ZNF827: variants seen among roughly 807,000 people sequenced by gnomAD.
ZNF827 encodes the protein zinc finger protein 827.
ZNF827 carries 13 observed loss-of-function variants against 102.4 expected under a neutral mutation model. That is an observed-to-expected ratio of 0.13 (90% CI 0.08 to 0.20). The LOEUF (loss-of-function observed/expected upper bound fraction) is 0.20, where lower values mean the gene tolerates loss of function less well. ZNF827 is among the 10% of genes least tolerant of loss of function. ZNF827 has a pLI of 1.00. For missense variants in ZNF827, 1,103 were observed against 1,344.4 expected (o/e 0.82, Z 2.81); for synonymous variants, 523 against 536.2 (o/e 0.98, Z 0.34).
chr4:145,800,636 A>C (rs1019778880), intron 8 of ZNF827, among the ~76,000 whole-genome samples: 1 of 152,068 alleles, frequency 6.6e-6, no homozygotes, highest in Non-Finnish European at 1.5e-5. Flanking sequence ...CTGCCAACAC[A>C]ATTTGGTGTT....
Position 145,796,198 on chromosome 4 carries a change from C to G in ZNF827, c.2384-16687G>C, listed in dbSNP as rs576996561. ...GGGAAGAAACTTTTACTTTATTTCC[C>G]CATTTCGATTATCAGCTTGAAAGGA... On this transcript the variant is annotated intron_variant, in intron 8 of 14. Coordinates refer to ENST00000508784, the MANE Select transcript of ZNF827 (RefSeq NM_001306215.2). 2.9e-4 allele frequency among the ~76,000 whole-genome samples: 44 copies of G among 152,256 alleles called. 2 individuals are homozygous for G. The highest frequency in any genetic ancestry group is 1.5e-3 in the Admixed American group (23 of 15,284).
chr4:145,881,147 A>G (rs1056275873), intron 4 of ZNF827, among the ~76,000 whole-genome samples: 2 of 152,274 alleles, frequency 1.3e-5, no homozygotes, highest in African/African-American at 2.4e-5. Context: ...AAACTACAGT[A>G]TATGACACAA....
chr4:145,832,642 C>G (rs533176938), intron 7 of ZNF827: 2 of 152,338 alleles, frequency 1.3e-5, no homozygotes, highest in South Asian at 4.1e-4. Flanking sequence ...GCCAAGCCAT[C>G]GCATCCCCTG....
intron 7 of ZNF827, chr4:145,833,028 G>A (rs1029066525): frequency 2.3e-4 from 40 of 171,536 alleles, no homozygotes; most frequent in African/African-American, 9.4e-4. Context: ...GCCGTGACTC[G>A]GATCGGGGGA....
intron 8 of ZNF827, among the ~76,000 whole-genome samples, chr4:145,795,524 C>A (rs1183983704): frequency 2.6e-5 from 4 of 152,194 alleles, no homozygotes; most frequent in African/African-American, 9.6e-5. Flanking sequence ...ACTACATCTG[C>A]AATAATTATG....
chr4:145,854,981 G>A (rs1285824990), intron 5 of ZNF827, among the ~76,000 whole-genome samples: 11 of 152,224 alleles, frequency 7.2e-5, no homozygotes, highest in Non-Finnish European at 1.5e-5. Flanking sequence ...AGAGAGCACA[G>A]GGCATGGCGC....
In ZNF827 at chr4:145,845,947, G is replaced by A. The variant is rs1251603017; in HGVS notation, c.2279+9C>T. 6.2e-7 allele frequency: 1 copy of A among 1,614,182 alleles called. No homozygotes were observed. On this transcript the variant is annotated intron_variant, in intron 7 of 14. Coordinates refer to ENST00000508784, the MANE Select transcript of ZNF827 (RefSeq NM_001306215.2). Reference sequence around the variant, plus strand: ...GGTGTTCTGGAGGAACCCACACAAAGTCGCCTACCTGGTCGTGGTCCGGAT... The same window carrying A: ...GGTGTTCTGGAGGAACCCACACAAAATCGCCTACCTGGTCGTGGTCCGGAT...
chr4:145,895,411 G>A (rs563728070), intron 2 of ZNF827, among the ~76,000 whole-genome samples: 1 of 152,174 alleles, frequency 6.6e-6, no homozygotes, highest in East Asian at 1.9e-4. Context: ...TGCTTCCTTA[G>A]TTTTAATTAG....
chr4:145,920,648 G>A (rs1435238062), intron 1 of ZNF827, among the ~76,000 whole-genome samples: 2 of 152,212 alleles, frequency 1.3e-5, no homozygotes, highest in East Asian at 3.8e-4. Context: ...GCAGGAGATG[G>A]TCTCTAAAGT....
At chr4:145,775,704 G>T in intron 10 of ZNF827, 85 bp downstream of exon 10, 1 of 1,506,764 alleles carries the variant, frequency 6.6e-7, no homozygotes, top group Non-Finnish European at 9.1e-7. Flanking sequence ...GGGGCCTCGT[G>T]ATGTATGCCC....
intron 8 of ZNF827, among the ~76,000 whole-genome samples, chr4:145,784,074 C>G (rs1738500498): frequency 6.6e-6 from 1 of 152,186 alleles, no homozygotes; most frequent in African/African-American, 2.4e-5. Flanking sequence ...CATGTGCCTG[C>G]TTCCCCTTCA....
At chr4:145,878,559 AGACAG>A (rs1215402706) in intron 4 of ZNF827, among the ~76,000 whole-genome samples, 3,445 of 123,340 alleles carry the variant, frequency 0.028, 223 homozygotes, top group South Asian at 0.071. Context: ...AAAAAAGACA[AGACAG>A]GACAGGACAG....
intron 8 of ZNF827, among the ~76,000 whole-genome samples, chr4:145,800,557 G>A (rs867172024): frequency 3.0e-4 from 46 of 152,260 alleles, no homozygotes; most frequent in Middle Eastern, 3.4e-3. Flanking sequence ...TTACAGGTGT[G>A]AGCCACTGCA....
At chr4:145,817,729 G>A (rs527434192) in intron 8 of ZNF827, among the ~76,000 whole-genome samples, 1 of 152,338 alleles carries the variant, frequency 6.6e-6, no homozygotes, top group Admixed American at 6.5e-5. Flanking sequence ...TACAGGGGAT[G>A]TGCAAGGAGC....
intron 8 of ZNF827, among the ~76,000 whole-genome samples, chr4:145,788,207 T>C (rs1185410657): frequency 6.6e-6 from 1 of 152,216 alleles, no homozygotes; most frequent in Non-Finnish European, 1.5e-5. Flanking sequence ...AAATACTTAC[T>C]GATTGATTTG....
At chr4:145,882,744 T>C (rs1352166309) in intron 4 of ZNF827, among the ~76,000 whole-genome samples, 1 of 152,174 alleles carries the variant, frequency 6.6e-6, no homozygotes. Flanking sequence ...CAGACAGTGA[T>C]CTGGCTGGCA....
intron 4 of ZNF827, 97 bp from the exon 5 acceptor site, chr4:145,870,575 T>G (rs1249338630): frequency 9.1e-7 from 1 of 1,097,408 alleles, no homozygotes; most frequent in African/African-American, 1.6e-5. Context: ...ACAATCACAC[T>G]GTGCTAACAA....
chr4:145,763,829 C>A lies in ZNF827; in HGVS notation c.3231-707G>T, dbSNP rs531334497. On this transcript the variant is annotated intron_variant, in intron 13 of 14. Coordinates refer to ENST00000508784, the MANE Select transcript of ZNF827 (RefSeq NM_001306215.2). This position sits in a 1 kb window ranked among gnomAD's most constrained non-coding sequence, Gnocchi z 4.6. ...TACTGGTTTCCTTGAATTATAATCA[C>A]CCCCTCCCCAATCCCTTCTGCCCTC... Among the ~76,000 whole-genome samples, 7 of 152,192 alleles carry A rather than the reference C, an allele frequency of 4.6e-5. No homozygotes were observed. Among genetic ancestry groups the A allele is most frequent in the Admixed American group, 2.6e-4 (4 of 15,284 alleles).
rs1486270006 is a variant in ZNF827, at chr4:145,823,531, G to A, written c.2280-6C>T. On this transcript the variant is annotated splice_polypyrimidine_tract_variant and splice_region_variant and intron_variant, in intron 7 of 14. Transcript: ENST00000508784. ...TGTCTTCTGAAAAGAAAGGGCTGGGGTGGGGGAGGGGGAGTGAAGTTTAGT... is the reference window on the plus strand; with the variant it reads ...TGTCTTCTGAAAAGAAAGGGCTGGGATGGGGGAGGGGGAGTGAAGTTTAGT... 2.5e-6 allele frequency: 4 copies of A among 1,590,342 alleles called. No individual in the cohort carries two copies. Among genetic ancestry groups the A allele is most frequent in the Non-Finnish European group, 3.5e-6 (4 of 1,159,018 alleles).
Sources: gnomAD v4.1 joint callset for allele counts (sites outside exome capture counted in the v4.1 genomes callset) on GRCh38, gnomAD v4.1.1 for gene constraint, Gnocchi (gnomAD v3.1) non-coding constraint, MANE v1.5 for transcripts, NCBI Gene and HGNC (gene_info 2026-07-23, HGNC 2026-07-21) for gene names.